ENAH: variants seen among roughly 807,000 people sequenced by gnomAD.
ENAH encodes the protein ENAH actin regulator.
ENAH carries 23 observed loss-of-function variants against 78.7 expected under a neutral mutation model. The ratio of observed to expected loss-of-function variants is 0.29; its 90% CI spans 0.21 to 0.41. ENAH has a LOEUF of 0.41. Among genes scored for constraint, ENAH ranks in the 10% least tolerant of loss-of-function variants. The pLI is 1.00. For missense variants in ENAH, 544 were observed against 691.0 expected, an observed-to-expected ratio of 0.79 and a Z score of 2.39; for synonymous variants, 226 against 241.0, an observed-to-expected ratio of 0.94 and a Z score of 0.58.
intron 1 of ENAH, among the ~76,000 whole-genome samples, chr1:225,642,598 A>G (rs1380144639): frequency 3.3e-5 from 5 of 152,124 alleles, no homozygotes; most frequent in Non-Finnish European, 4.4e-5. Flanking sequence ...TGAGCCCAGG[A>G]GTTCGAGGTT....
chr1:225,573,941 T>C (rs1248344531), intron 1 of ENAH, among the ~76,000 whole-genome samples: 1 of 152,178 alleles, frequency 6.6e-6, no homozygotes, highest in Non-Finnish European at 1.5e-5. Context: ...TAGTGAGTTA[T>C]CAACATGTGC....
intron 2 of ENAH, among the ~76,000 whole-genome samples, chr1:225,564,675 A>C (rs1173884337): frequency 2.0e-5 from 3 of 151,962 alleles, no homozygotes; most frequent in Non-Finnish European, 4.4e-5. Flanking sequence ...TTGGGCAAGC[A>C]ATCTTCCTGC....
At chr1:225,519,625 G>A (rs1003880762) in intron 4 of ENAH, 60 bp from the exon 5 acceptor site, 10 of 1,550,190 alleles carry the variant, frequency 6.5e-6, no homozygotes, top group Middle Eastern at 3.5e-4. Flanking sequence ...ATGAAAAAGC[G>A]ATTCTTTTCA....
At chr1:225,625,438 A>G (rs1264061596) in intron 1 of ENAH, among the ~76,000 whole-genome samples, 2 of 152,224 alleles carry the variant, frequency 1.3e-5, no homozygotes, top group Admixed American at 6.5e-5. Flanking sequence ...TTTTAAAAAA[A>G]GAAGTCGTGC....
intron 1 of ENAH, among the ~76,000 whole-genome samples, chr1:225,643,643 C>A (rs766704510): frequency 4.6e-5 from 7 of 152,140 alleles, no homozygotes; most frequent in Non-Finnish European, 7.3e-5. Context: ...TAGTTAGGAA[C>A]AAGAATTACT....
At chr1:225,595,025 A>G (rs1452773953) in intron 1 of ENAH, among the ~76,000 whole-genome samples, 2 of 152,166 alleles carry the variant, frequency 1.3e-5, no homozygotes, top group East Asian at 3.9e-4. Flanking sequence ...GGCATGAAGA[A>G]TCTAAGTATT....
intron 1 of ENAH, among the ~76,000 whole-genome samples, chr1:225,586,415 A>G (rs1392533297): frequency 6.6e-6 from 1 of 152,096 alleles, no homozygotes; most frequent in East Asian, 1.9e-4. Context: ...TGTGTCAAAT[A>G]GCTCAGGAAA....
At chr1:225,572,144 A>G (rs1009519464) in intron 1 of ENAH, among the ~76,000 whole-genome samples, 2 of 152,146 alleles carry the variant, frequency 1.3e-5, no homozygotes, top group Admixed American at 6.5e-5. Flanking sequence ...AACTCTGCAC[A>G]GTGTCAGAGT....
chr1:225,639,613 C>T (rs945035322), intron 1 of ENAH, among the ~76,000 whole-genome samples: 9 of 151,646 alleles, frequency 5.9e-5, no homozygotes, highest in Admixed American at 5.3e-4. Flanking sequence ...TCTCAGCCTC[C>T]GAACTGTGAA....
At chr1:225,596,411 T>C (rs981915315) in intron 1 of ENAH, among the ~76,000 whole-genome samples, 3 of 152,186 alleles carry the variant, frequency 2.0e-5, no homozygotes, top group Admixed American at 6.5e-5. Context: ...TGGTTTTCAA[T>C]GTCCTGATCT....
At chr1:225,586,527 A>C (rs1321898354) in intron 1 of ENAH, among the ~76,000 whole-genome samples, 1 of 152,192 alleles carries the variant, frequency 6.6e-6, no homozygotes, top group Non-Finnish European at 1.5e-5. Context: ...AGCCACACAA[A>C]GATATTACAA....
intron 1 of ENAH, among the ~76,000 whole-genome samples, chr1:225,580,457 G>C (rs973750612): frequency 1.3e-5 from 2 of 152,052 alleles, no homozygotes; most frequent in African/African-American, 2.4e-5. Context: ...ATTTATGAAA[G>C]ACCCTGAGCT....
At chr1:225,571,632 G>A (rs553566339) in intron 1 of ENAH, among the ~76,000 whole-genome samples, 3 of 152,240 alleles carry the variant, frequency 2.0e-5, no homozygotes, top group South Asian at 2.1e-4. Flanking sequence ...CTGGAAGGCT[G>A]GAACTCAGGC....
rs2096262715 is a variant in ENAH at position 225,498,525 on chromosome 1, C to T, written c.1618-121G>A. On this transcript the variant is annotated intron_variant, in intron 12 of 13. Transcript: ENST00000366843. ...GTGTAGTTTTTTTTGTTTCCAGAGCCACAATTCTATTTCTTGGAAGACTAG... is the reference window on the plus strand; with the variant it reads ...GTGTAGTTTTTTTTGTTTCCAGAGCTACAATTCTATTTCTTGGAAGACTAG... 4 of 617,614 alleles carry T rather than the reference C, an allele frequency of 6.5e-6. No individual in the cohort carries two copies. The Admixed American group carries it at 1.5e-4, about 23-fold the overall frequency. The allele number at this position is 617,614 out of a possible 1,614,324, so 38.3% of individuals were successfully genotyped here.
intron 1 of ENAH, among the ~76,000 whole-genome samples, chr1:225,582,869 A>C (rs1378620907): frequency 2.0e-5 from 3 of 152,226 alleles, no homozygotes; most frequent in South Asian, 2.1e-4. Context: ...CTCCGCAAAA[A>C]AGAGCAAAGC....
At chr1:225,638,836 A>C (rs2148425376) in intron 1 of ENAH, among the ~76,000 whole-genome samples, 1 of 152,394 alleles carries the variant, frequency 6.6e-6, no homozygotes, top group South Asian at 2.1e-4. Context: ...TGTAATACAG[A>C]ACAAAATAGG....
intron 1 of ENAH, among the ~76,000 whole-genome samples, chr1:225,588,238 T>C (rs2096857038): frequency 6.6e-6 from 1 of 151,944 alleles, no homozygotes; most frequent in Non-Finnish European, 1.5e-5. Context: ...AAGGCACAGA[T>C]GAAGAAAAAA....
Position 225,616,612 on chromosome 1 carries a change from T to G in ENAH, c.5+36074A>C, listed in dbSNP as rs1038253623. Among the ~76,000 whole-genome samples, 5 of 152,158 alleles carry G rather than the reference T, an allele frequency of 3.3e-5. No individual in the cohort carries two copies. In the South Asian group the frequency reaches 1.0e-3, roughly 32 times the overall value. On this transcript the variant is annotated intron_variant, in intron 1 of 13. Transcript: ENST00000366843. ...TGCATCTATATATAAAAATTGAAGA[T>G]AAAATATTCTTCTAGGAAAAGATAA...
chr1:225,613,203 G>C (rs1172595157), intron 1 of ENAH, among the ~76,000 whole-genome samples: 6 of 152,184 alleles, frequency 3.9e-5, no homozygotes, highest in Non-Finnish European at 8.8e-5. Context: ...TCATCTTTCA[G>C]AGCAACTCAA....
Sources: gnomAD v4.1 joint callset for allele counts (sites outside exome capture counted in the v4.1 genomes callset) on GRCh38, gnomAD v4.1.1 for gene constraint, MANE v1.5 for transcripts, NCBI Gene and HGNC (gene_info 2026-07-23, HGNC 2026-07-21) for gene names.